The following CDKL2 variants were observed in gnomAD, a reference collection of about 807,000 sequenced individuals.
CDKL2 encodes cyclin dependent kinase like 2.
A neutral mutation model predicts 63.9 loss-of-function variants in CDKL2; 64 were observed. The observed-to-expected ratio is 1.00, with a 90% confidence interval of 0.82 to 1.23. The LOEUF (loss-of-function observed/expected upper bound fraction) is 1.23. Ranked by LOEUF, CDKL2 falls within the 50% of genes most tolerant of loss-of-function variation. The pLI is 0.00. For missense variants in CDKL2, 656 were observed against 668.0 expected, an observed-to-expected ratio of 0.98 and a Z score of 0.20; for synonymous variants, 211 against 229.2, an observed-to-expected ratio of 0.92 and a Z score of 0.72.
rs1729830320 is a variant in CDKL2 at position 75,614,297 on chromosome 4, C to A, written c.321G>T (p.Leu107Phe). 6 of 1,608,346 alleles carry A rather than the reference C, an allele frequency of 3.7e-6. No individual in the cohort carries two copies. In the East Asian group the frequency reaches 1.3e-4, roughly 36 times the overall value. Residue 107 changes from leucine to phenylalanine, a missense_variant, in exon 3 of 14, where the codon TTG becomes TTT. Leu to Phe is a conservative substitution (Grantham distance 22). Transcript: ENST00000307465. ...ATCCAATTCCATTAATAATCTGAAA[C>A]AAATACTTTTGAACTACTTGGTAGT... is the stretch of plus-strand genomic sequence containing the variant. ...GLDYQVVQKYLFQIINGIGFC... is the reference protein window; with the variant it reads ...GLDYQVVQKYFFQIINGIGFC...
chr4:75,586,350 C>T (rs575923156), intron 12 of CDKL2, among the ~76,000 whole-genome samples: 19 of 151,928 alleles, frequency 1.3e-4, no homozygotes, highest in African/African-American at 3.6e-4. Flanking sequence ...CTCAGCCTCC[C>T]GAGTAGCTGG....
chr4:75,602,059 A>C (rs1368903867), intron 6 of CDKL2, among the ~76,000 whole-genome samples: 2 of 152,246 alleles, frequency 1.3e-5, no homozygotes, highest in Non-Finnish European at 2.9e-5. Context: ...AAATACAACA[A>C]AAAAGTATTG....
At chr4:75,595,513 C>G (rs1728876206) in intron 10 of CDKL2, among the ~76,000 whole-genome samples, 1 of 152,004 alleles carries the variant, frequency 6.6e-6, no homozygotes, top group Non-Finnish European at 1.5e-5. Flanking sequence ...CTGTCCCTGG[C>G]CAATAGAATA....
chr4:75,606,021 T>C (rs1729412413), intron 4 of CDKL2, among the ~76,000 whole-genome samples: 1 of 152,186 alleles, frequency 6.6e-6, no homozygotes, highest in African/African-American at 2.4e-5. Context: ...ACAGTTATTA[T>C]GTATACTTTA....
intron 1 of CDKL2, among the ~76,000 whole-genome samples, chr4:75,627,377 A>G (rs1218791775): frequency 6.6e-6 from 1 of 151,806 alleles, no homozygotes; most frequent in East Asian, 2.0e-4. Flanking sequence ...GGTTCAAGCA[A>G]TTCTCCTGCC....
At chr4:75,629,066 T>A (rs1401252616) in intron 1 of CDKL2, among the ~76,000 whole-genome samples, 1 of 145,234 alleles carries the variant, frequency 6.9e-6, no homozygotes, top group Non-Finnish European at 1.5e-5. Flanking sequence ...AACTATTTTT[T>A]AATAAACTGT....
intron 9 of CDKL2, 21 bp from the exon 10 acceptor site, chr4:75,596,361 GT>G (rs1252906783): frequency 6.9e-7 from 1 of 1,447,034 alleles, no homozygotes; most frequent in Non-Finnish European, 9.7e-7. Flanking sequence ...AAAAAAAAAT[GT>G]TTTTAAGTTA....
rs540072819 is a variant in CDKL2 at position 75,620,198 on chromosome 4, A to G, written c.168+5623T>C. On this transcript the variant is annotated intron_variant, in intron 2 of 13. Transcript: ENST00000307465. Reference sequence around the variant, plus strand: ...GACAGAGCAAGACCCTGTCTAAAAAATAATAATAATGATAATAATAGTATT... The same window carrying G: ...GACAGAGCAAGACCCTGTCTAAAAAGTAATAATAATGATAATAATAGTATT... Among the ~76,000 whole-genome samples, 299 of 152,306 alleles carry G rather than the reference A, an allele frequency of 2.0e-3. 1 individual carries two copies. The highest frequency in any genetic ancestry group is 6.7e-3 in the African/African-American group (280 of 41,582).
intron 6 of CDKL2, among the ~76,000 whole-genome samples, chr4:75,603,069 G>C (rs946429688): frequency 7.2e-6 from 1 of 138,890 alleles, no homozygotes; most frequent in Non-Finnish European, 1.5e-5. Flanking sequence ...GCACAATCTC[G>C]GCTCACTGCA....
At chr4:75,581,022 A>T (rs1476454304) in intron 13 of CDKL2, among the ~76,000 whole-genome samples, 1 of 151,444 alleles carries the variant, frequency 6.6e-6, no homozygotes, top group Non-Finnish European at 1.5e-5. Context: ...ATACTAAAAA[A>T]GTTATATTTA....
chr4:75,583,300 CT>C (rs928006479), intron 12 of CDKL2, among the ~76,000 whole-genome samples: 4 of 152,152 alleles, frequency 2.6e-5, no homozygotes, highest in African/African-American at 4.8e-5. Context: ...AATGTTCCTA[CT>C]TTTTTTGTTG....
chr4:75,592,834 C>T (rs1456024128), intron 10 of CDKL2, among the ~76,000 whole-genome samples: 1 of 152,138 alleles, frequency 6.6e-6, no homozygotes, highest in Non-Finnish European at 1.5e-5. Context: ...ATTATAACTT[C>T]AATTATTTTC....
intron 5 of CDKL2, among the ~76,000 whole-genome samples, chr4:75,605,311 C>A (rs553342330): frequency 1.5e-4 from 23 of 152,188 alleles, no homozygotes; most frequent in Admixed American, 1.4e-3. Flanking sequence ...CGAGATTGCG[C>A]CATTGCACTC....
At chr4:75,605,321 C>T (rs578211855) in intron 5 of CDKL2, among the ~76,000 whole-genome samples, 2 of 152,038 alleles carry the variant, frequency 1.3e-5, no homozygotes, top group East Asian at 1.9e-4. Context: ...CCATTGCACT[C>T]TAGCCTGGGC....
At chr4:75,625,492 G>A (rs773943656) in intron 2 of CDKL2, among the ~76,000 whole-genome samples, 1 of 151,988 alleles carries the variant, frequency 6.6e-6, no homozygotes, top group Non-Finnish European at 1.5e-5. Flanking sequence ...AATTAGAGAA[G>A]CATCTATCTC....
At position 75,597,223 on chromosome 4, in the gene CDKL2, T is replaced by C; in HGVS notation, c.1034A>G (p.Asp345Gly). ...KTLVVQDTNA[D>G]PKIKDYKLFK... ...TAGTTTATAATCCTTAATTTTGGGATCAGCATTGGTATCCTGATCATTAAC... is the reference window on the plus strand; with the variant it reads ...TAGTTTATAATCCTTAATTTTGGGACCAGCATTGGTATCCTGATCATTAAC... Residue 345 changes from aspartate (D) to glycine (G), a missense_variant, in exon 9 of 14, where the codon GAT becomes GGT. By Grantham distance (94) the Asp-to-Gly change is moderately conservative. Coordinates refer to ENST00000307465, the MANE Select transcript of CDKL2 (RefSeq NM_001330724.2). The C allele has an allele frequency of 6.3e-7, 1 of 1,598,902 alleles. No individual in the cohort carries two copies. The highest frequency in any genetic ancestry group is 8.6e-7 in the Non-Finnish European group (1 of 1,167,732).
In CDKL2 at chr4:75,616,948, C is replaced by T. The variant is rs992490124; in HGVS notation, c.169-2499G>A. On this transcript the variant is annotated intron_variant, in intron 2 of 13. Coordinates refer to ENST00000307465, the MANE Select transcript of CDKL2 (RefSeq NM_001330724.2). ...AGAGGGGAACAACACACACTGGGGC[C>T]TACCGGAGGGCAAAGGGTGGGAGAA... 2.6e-5 allele frequency among the ~76,000 whole-genome samples: 4 copies of T among 152,168 alleles called. No individual in the cohort carries two copies. In the East Asian group the frequency reaches 7.7e-4, roughly 29 times the overall value.
intron 6 of CDKL2, 60 bp from the exon 7 acceptor site, chr4:75,600,429 T>C: frequency 9.3e-7 from 1 of 1,078,914 alleles, no homozygotes; most frequent in East Asian, 2.6e-5. Flanking sequence ...TTTAAATTTA[T>C]AAATATAGAA....
chr4:75,626,935 G>C (rs1332790665), intron 1 of CDKL2, among the ~76,000 whole-genome samples: 1 of 151,992 alleles, frequency 6.6e-6, no homozygotes, highest in Non-Finnish European at 1.5e-5. Context: ...CAGGTGCAGT[G>C]GCTCACACCT....
Sources: allele counts gnomAD v4.1 joint callset (sites outside exome capture counted in the v4.1 genomes callset), GRCh38; gene constraint gnomAD v4.1.1; transcripts MANE v1.5; gene names NCBI Gene and HGNC (gene_info 2026-07-23, HGNC 2026-07-21).